RYR1: variants seen among roughly 807,000 people sequenced by gnomAD.
The protein encoded by RYR1 is ryanodine receptor 1.
Under a neutral mutation model 583.5 loss-of-function variants are expected in RYR1, and 342 were observed. That is an observed-to-expected ratio of 0.59 (90% CI 0.54 to 0.64). The LOEUF (loss-of-function observed/expected upper bound fraction) is 0.64. Among genes scored for constraint, RYR1 ranks in the 30% least tolerant of loss-of-function variants. The pLI is 0.00. For synonymous variants in RYR1, 2,791 were observed against 2,822.5 expected (o/e 0.99, Z 0.35); for missense variants, 6,032 against 6,917.2 (o/e 0.87, Z 4.54).
In RYR1 at chr19:38,543,295, A is replaced by T. The variant is rs539950475; in HGVS notation, c.11690-52A>T. 7 of 1,499,694 alleles carry T rather than the reference A, an allele frequency of 4.7e-6. No homozygotes were observed. Among genetic ancestry groups the T allele is most frequent in the Middle Eastern group, 1.7e-4 (1 of 5,854 alleles). The allele number at this position is 1,499,694 out of a possible 1,614,324, so 92.9% of individuals were successfully genotyped here. A position where few individuals can be genotyped will look rare whatever the true frequency, so the allele number is the denominator to read the frequency against. On this transcript the variant is annotated intron_variant, in intron 84 of 105. Coordinates refer to ENST00000359596, the MANE Select transcript of RYR1 (RefSeq NM_000540.3). This position sits in a 1 kb window ranked among gnomAD's most constrained non-coding sequence, Gnocchi z 4.4. ...TAAATGAATAAATGACCCACTGTTC[A>T]TCTCCCCTAGCACATGGGAGGTGCT... is the stretch of plus-strand genomic sequence containing the variant.
chr19:38,483,430 G>C lies in RYR1; in HGVS notation c.4848G>C (p.Thr1616=), dbSNP rs377664365. ...RMPNHFLQVE[T]RRAGERLGWA... ...CCAACCACTTCCTGCAGGTGGAGAC[G>C]AGGCGTGCCGGCGAGCGGCTGGGCT... Residue 1616 remains threonine (T), a synonymous_variant, in exon 33 of 106, where the codon ACG becomes ACC. Coordinates refer to ENST00000359596, the MANE Select transcript of RYR1 (RefSeq NM_000540.3). The surrounding 1 kb of genome is among the most constrained non-coding windows in gnomAD (Gnocchi z 6.3). 2 of 1,577,146 alleles carry C rather than the reference G, an allele frequency of 1.3e-6. No homozygotes were observed. Among genetic ancestry groups the C allele is most frequent in the Admixed American group, 1.8e-5 (1 of 54,322 alleles).
chr19:38,502,385 G>A (rs1044553497), intron 47 of RYR1, 122 bp from the exon 48 acceptor site: 30 of 885,412 alleles, frequency 3.4e-5, no homozygotes, highest in Non-Finnish European at 5.0e-5. Flanking sequence ...TAGAGATTGG[G>A]AGGAGCAGGT....
At chr19:38,478,950 T>C (rs1430663704) in intron 31 of RYR1, among the ~76,000 whole-genome samples, 4 of 152,186 alleles carry the variant, frequency 2.6e-5, no homozygotes, top group African/African-American at 9.7e-5. Flanking sequence ...ATGTTTTTAG[T>C]AGAGACGAGG....
At chr19:38,544,821 C>T (rs1040933379) in intron 87 of RYR1, among the ~76,000 whole-genome samples, 2 of 151,968 alleles carry the variant, frequency 1.3e-5, no homozygotes, top group East Asian at 1.9e-4. Context: ...CTAATTCATC[C>T]GCCACCATCT....
Position 38,505,835 on chromosome 19 carries a change from G to A in RYR1, c.8430G>A (p.Lys2810=), listed in dbSNP as rs747388850. ...KDKEIYRWPI[K]ESLKAMIAWE... ...AAGAGATTTACCGCTGGCCCATCAA[G>A]GAGTCCCTGAAGGCCATGATTGCCT... Residue 2810 remains lysine, a synonymous_variant, in exon 54 of 106, where the codon AAG becomes AAA. Transcript: ENST00000359596. 2 of 1,614,016 alleles carry A rather than the reference G, an allele frequency of 1.2e-6. No homozygotes were observed. Among genetic ancestry groups the A allele is most frequent in the Admixed American group, 1.7e-5 (1 of 59,990 alleles).
chr19:38,567,739 G>T (rs763614860), intron 92 of RYR1, 34 bp from the exon 93 acceptor site: 1 of 1,614,114 alleles, frequency 6.2e-7, no homozygotes, highest in East Asian at 2.2e-5. Flanking sequence ...GCCTGCCCAG[G>T]CACCTCCTGA....
intron 33 of RYR1, among the ~76,000 whole-genome samples, chr19:38,484,596 C>T (rs1363989185): frequency 6.6e-6 from 1 of 152,088 alleles, no homozygotes; most frequent in Non-Finnish European, 1.5e-5. Flanking sequence ...GTACATAACT[C>T]AGGATGCTCG....
rs1389160099 is a variant in RYR1 at position 38,482,841 on chromosome 19, G to C, written c.4621-186G>C. ...CAGAGACAGATGACAGGTTGCTCTGGGAAAGTTGGAGGAGGTTGGCCTGGC... is the reference window on the plus strand; with the variant it reads ...CAGAGACAGATGACAGGTTGCTCTGCGAAAGTTGGAGGAGGTTGGCCTGGC... On this transcript the variant is annotated intron_variant, in intron 31 of 105. Coordinates refer to ENST00000359596, the MANE Select transcript of RYR1 (RefSeq NM_000540.3). Among the ~76,000 whole-genome samples the C allele has an allele frequency of 7.3e-4, 111 of 152,088 alleles. 1 individual carries two copies. The highest frequency in any genetic ancestry group is 6.6e-5 in the Admixed American group (1 of 15,260).
intron 20 of RYR1, 103 bp downstream of exon 20, chr19:38,460,694 A>G: frequency 8.6e-7 from 1 of 1,161,328 alleles, no homozygotes; most frequent in Non-Finnish European, 1.3e-6. Context: ...AGCACTTTGG[A>G]TGGCCAGGCG....
At chr19:38,461,880 C>T (rs544648327) in intron 20 of RYR1, among the ~76,000 whole-genome samples, 1 of 152,088 alleles carries the variant, frequency 6.6e-6, no homozygotes, top group East Asian at 1.9e-4. Context: ...CATGGTGAAA[C>T]CCCATCTCTA....
intron 101 of RYR1, among the ~76,000 whole-genome samples, chr19:38,582,832 T>C (rs1185459058): frequency 6.6e-6 from 1 of 152,208 alleles, no homozygotes; most frequent in East Asian, 1.9e-4. Flanking sequence ...TCCTGCAGTC[T>C]GGCTCCGTGG....
chr19:38,511,894 C>A (rs1461443626), intron 61 of RYR1, among the ~76,000 whole-genome samples, 178 bp from the exon 62 acceptor site: 1 of 151,038 alleles, frequency 6.6e-6, no homozygotes, highest in Non-Finnish European at 1.5e-5. Flanking sequence ...AGTGGTTGGG[C>A]TGGGGAGGAG....
intron 73 of RYR1, 90 bp downstream of exon 73, chr19:38,527,874 A>AT: frequency 6.7e-7 from 1 of 1,498,518 alleles, no homozygotes. Context: ...GGGTCTGGAG[A>AT]TGACTATTAA....
At chr19:38,450,205 T>C (rs1967004764) in intron 11 of RYR1, among the ~76,000 whole-genome samples, 1 of 152,018 alleles carries the variant, frequency 6.6e-6, no homozygotes, top group Admixed American at 6.6e-5. Context: ...ATGTTACAAA[T>C]GGGAGATGAC....
rs1216462019 is a variant in RYR1 at position 38,517,468 on chromosome 19, G to C, written c.9795G>C (p.Glu3265Asp). 2 of 1,614,002 alleles carry C rather than the reference G, an allele frequency of 1.2e-6. No individual in the cohort carries two copies. Among genetic ancestry groups the C allele is most frequent in the Admixed American group, 3.3e-5 (2 of 60,002 alleles). The stretch of plus-strand genomic sequence containing the variant: ...CCGAGTCAGGTGCCCGCTACACAGA[G>C]ATGCCGCATGTCATCGAGATCACGC... ...GLAESGARYT[E>D]MPHVIEITLP... The change falls in exon 66 of 106, where the codon GAG becomes GAC. Residue 3265 changes from glutamate to aspartate, a missense_variant. Glu to Asp is a conservative substitution (Grantham distance 45). This residue lies in a region of RYR1 where 1,493 missense variants were observed against 1,715.5 expected (regional missense o/e 0.87). Coordinates refer to ENST00000359596, the MANE Select transcript of RYR1 (RefSeq NM_000540.3).
At position 38,567,064 on chromosome 19, in the gene RYR1, C is replaced by T. The variant is rs10405261; in HGVS notation, c.13514+77C>T. On this transcript the variant is annotated intron_variant, in intron 92 of 105. Transcript: ENST00000359596. ...AGAGTAGGAGCCTCCAGAGGTCAGG[C>T]CCCAAGGCTGTCCTGGCCACCCTGT... 1.4e-3 allele frequency: 2,105 copies of T among 1,545,078 alleles called. 21 individuals are homozygous for T. The African/African-American group carries it at 0.025, about 19-fold the overall frequency.
chr19:38,440,658 C>T, intron 1 of RYR1, 87 bp from the exon 2 acceptor site: 2 of 1,510,536 alleles, frequency 1.3e-6, no homozygotes, highest in Non-Finnish European at 1.8e-6. Context: ...TTCATAAGGA[C>T]CAGGGTGGGA....
chr19:38,451,466 G>A (rs1967071426), intron 11 of RYR1, among the ~76,000 whole-genome samples: 1 of 152,124 alleles, frequency 6.6e-6, no homozygotes, highest in South Asian at 2.1e-4. Flanking sequence ...GACAGAGACA[G>A]GAAGGAGATA....
rs769357220 is a variant in RYR1, at chr19:38,507,688, C to A, written c.8817-24C>A. On this transcript the variant is annotated intron_variant, in intron 57 of 105. Coordinates refer to ENST00000359596, the MANE Select transcript of RYR1 (RefSeq NM_000540.3). ...CTGTAGGGCCGGCGTCTGGGCTGAT[C>A]CTTCTCTCCACATCTCCATGCAGAG... 4.1e-6 allele frequency: 6 copies of A among 1,452,428 alleles called. No homozygotes were observed. The South Asian group carries it at 6.8e-5, about 17-fold the overall frequency. The allele number at this position is 1,452,428 out of a possible 1,614,324, so 90.0% of individuals were successfully genotyped here.
Sources: allele counts gnomAD v4.1 joint callset (sites outside exome capture counted in the v4.1 genomes callset), GRCh38; gene constraint gnomAD v4.1.1; regional missense constraint gnomAD v4.1.1; non-coding constraint Gnocchi (gnomAD v3.1); transcripts MANE v1.5; gene names NCBI Gene and HGNC (gene_info 2026-07-23, HGNC 2026-07-21).